Variants in COLEC12 observed in about 807,000 individuals in gnomAD.
COLEC12 encodes collectin-12.
In COLEC12, 33 loss-of-function variants were observed where a neutral mutation model predicts 71.1. The observed-to-expected ratio is 0.46, with a 90% CI of 0.35 to 0.62. The LOEUF (loss-of-function observed/expected upper bound fraction) is 0.62. COLEC12 is among the 20% of genes least tolerant of loss of function. The probability of loss-of-function intolerance (pLI) is 0.00; values close to 1 mark genes in which losing one functional copy is unlikely to be tolerated. For missense variants in COLEC12, 765 were observed against 916.1 expected, an observed-to-expected ratio of 0.84 and a Z score of 2.13; for synonymous variants, 350 against 353.0, an observed-to-expected ratio of 0.99 and a Z score of 0.10.
chr18:406,212 T>C (rs1598353470), intron 2 of COLEC12, among the ~76,000 whole-genome samples: 1 of 151,994 alleles, frequency 6.6e-6, no homozygotes, highest in Non-Finnish European at 1.5e-5. Context: ...AAAATAACCA[T>C]AAAAATGGGC....
intron 2 of COLEC12, among the ~76,000 whole-genome samples, chr18:375,471 T>G (rs1288277862): frequency 6.6e-6 from 1 of 152,134 alleles, no homozygotes; most frequent in African/African-American, 2.4e-5. Flanking sequence ...CATGCCTCCA[T>G]CTCCCTTTCT....
intron 2 of COLEC12, 91 bp from the exon 3 acceptor site, chr18:357,613 G>A: frequency 9.2e-7 from 1 of 1,086,850 alleles, no homozygotes; most frequent in Non-Finnish European, 1.3e-6. Flanking sequence ...TTGGGACTAA[G>A]AATAATTTTT....
intron 2 of COLEC12, among the ~76,000 whole-genome samples, chr18:407,025 A>C (rs1915804803): frequency 6.6e-6 from 1 of 152,252 alleles, no homozygotes; most frequent in African/African-American, 2.4e-5. Context: ...CTGATCTCAC[A>C]GCTGCTTCTG....
intron 2 of COLEC12, among the ~76,000 whole-genome samples, chr18:388,494 C>T (rs1197840507): frequency 2.6e-5 from 4 of 152,206 alleles, no homozygotes; most frequent in Non-Finnish European, 4.4e-5. Context: ...ATCTATCAGC[C>T]TCTTTATGAA....
At chr18:446,064 T>C (rs1916642981) in intron 2 of COLEC12, among the ~76,000 whole-genome samples, 1 of 152,248 alleles carries the variant, frequency 6.6e-6, no homozygotes, top group Non-Finnish European at 1.5e-5. Flanking sequence ...TGTTGCAGCA[T>C]GTACAAATAC....
chr18:382,855 T>C (rs566226915), intron 2 of COLEC12, among the ~76,000 whole-genome samples: 2 of 152,362 alleles, frequency 1.3e-5, no homozygotes, highest in South Asian at 4.1e-4. Context: ...CACAATGTGA[T>C]GTTTCTATCC....
chr18:373,272 G>C (rs1445123238), intron 2 of COLEC12, among the ~76,000 whole-genome samples: 2 of 152,076 alleles, frequency 1.3e-5, no homozygotes, highest in Admixed American at 6.5e-5. Context: ...ACAGTCATAC[G>C]GTTATCCTTT....
At chr18:385,533 T>A (rs529026360) in intron 2 of COLEC12, among the ~76,000 whole-genome samples, 1 of 151,920 alleles carries the variant, frequency 6.6e-6, no homozygotes, top group East Asian at 1.9e-4. Context: ...CCATGTTGGT[T>A]AGGCTGGTCT....
intron 2 of COLEC12, among the ~76,000 whole-genome samples, chr18:463,716 C>T (rs1362123145): frequency 6.6e-6 from 1 of 152,172 alleles, no homozygotes; most frequent in Non-Finnish European, 1.5e-5. Flanking sequence ...TTTCTTCTCT[C>T]TCACTTCATT....
chr18:475,953 G>A (rs1006244409), intron 2 of COLEC12, among the ~76,000 whole-genome samples: 3 of 152,204 alleles, frequency 2.0e-5, no homozygotes, highest in Admixed American at 1.3e-4. Flanking sequence ...GCTCGGCACC[G>A]TGTGGGCCAA....
intron 2 of COLEC12, among the ~76,000 whole-genome samples, chr18:359,011 A>G: frequency 6.6e-6 from 1 of 150,904 alleles, no homozygotes; most frequent in Admixed American, 6.6e-5. Flanking sequence ...GATAATTTCA[A>G]TAAAAATCTC....
At chr18:414,070 T>A (rs1274230702) in intron 2 of COLEC12, among the ~76,000 whole-genome samples, 2 of 152,244 alleles carry the variant, frequency 1.3e-5, no homozygotes, top group Non-Finnish European at 2.9e-5. Context: ...CTTGACTTTG[T>A]CAGTGTCAAT....
At chr18:414,125 C>CT (rs1238918308) in intron 2 of COLEC12, among the ~76,000 whole-genome samples, 1 of 152,170 alleles carries the variant, frequency 6.6e-6, no homozygotes, top group Non-Finnish European at 1.5e-5. Context: ...GATGTTACCA[C>CT]TGGGAGGAAC....
chr18:393,039 T>A (rs1307827986), intron 2 of COLEC12, among the ~76,000 whole-genome samples: 2 of 152,168 alleles, frequency 1.3e-5, no homozygotes, highest in African/African-American at 4.8e-5. Flanking sequence ...ATGAAGAACA[T>A]CCATTCCTCT....
At chr18:483,092 A>G (rs991636070) in intron 1 of COLEC12, among the ~76,000 whole-genome samples, 3 of 152,140 alleles carry the variant, frequency 2.0e-5, no homozygotes, top group African/African-American at 7.2e-5. Flanking sequence ...TGTTTGTTAC[A>G]ATGTATTTAT....
chr18:406,911 G>A (rs557082622), intron 2 of COLEC12, among the ~76,000 whole-genome samples: 6 of 152,372 alleles, frequency 3.9e-5, no homozygotes, highest in East Asian at 1.9e-4. Flanking sequence ...GAGCGATGAC[G>A]GGACAATGTG....
intron 5 of COLEC12, among the ~76,000 whole-genome samples, chr18:341,745 A>G (rs551496881): frequency 1.3e-5 from 2 of 152,342 alleles, no homozygotes; most frequent in African/African-American, 2.4e-5. Context: ...TTGGATCCTC[A>G]TAACTCTAAA....
chr18:443,594 G>A (rs574398781), intron 2 of COLEC12, among the ~76,000 whole-genome samples: 6 of 152,264 alleles, frequency 3.9e-5, no homozygotes, highest in Admixed American at 2.6e-4. Context: ...CATCCCCTCC[G>A]TCTCATGGTG....
chr18:466,668 T>C (rs540767446), intron 2 of COLEC12, among the ~76,000 whole-genome samples: 118 of 152,338 alleles, frequency 7.7e-4, no homozygotes, highest in African/African-American at 2.7e-3. Flanking sequence ...CAAATATATG[T>C]TGAGCTGAGG....
Sources: allele counts gnomAD v4.1 joint callset (sites outside exome capture counted in the v4.1 genomes callset), GRCh38; gene constraint gnomAD v4.1.1; transcripts MANE v1.5; gene names NCBI Gene and HGNC (gene_info 2026-07-23, HGNC 2026-07-21).